ABCA12: variants seen among roughly 807,000 people sequenced by gnomAD.
ABCA12 encodes the protein ATP binding cassette subfamily A member 12, also known as glucosylceramide transporter ABCA12.
A neutral mutation model predicts 293.5 loss-of-function variants in ABCA12; 156 were observed. The observed-to-expected ratio is 0.53, with a 90% CI of 0.47 to 0.61. The LOEUF (loss-of-function observed/expected upper bound fraction) is 0.61. Among genes scored for constraint, ABCA12 ranks in the 20% least tolerant of loss-of-function variants. The pLI is 0.00. For synonymous variants in ABCA12, 1,063 were observed against 1,108.0 expected (o/e 0.96, Z 0.81); for missense variants, 2,797 against 3,090.2 (o/e 0.91, Z 2.25).
intron 3 of ABCA12, among the ~76,000 whole-genome samples, chr2:215,062,648 G>A (rs531752533): frequency 1.4e-4 from 22 of 151,832 alleles, no homozygotes; most frequent in Admixed American, 4.0e-4. Context: ...CTAAATGGTT[G>A]GGTTTGTCCC....
At chr2:215,048,828 A>G (rs1392339020) in intron 6 of ABCA12, among the ~76,000 whole-genome samples, 1 of 152,236 alleles carries the variant, frequency 6.6e-6, no homozygotes, top group African/African-American at 2.4e-5. Context: ...CAGCCATAAC[A>G]AAGAATGAGA....
chr2:215,108,760 T>C (rs1216582983), intron 2 of ABCA12, among the ~76,000 whole-genome samples: 1 of 152,186 alleles, frequency 6.6e-6, no homozygotes, highest in African/African-American at 2.4e-5. Flanking sequence ...CTCAAAGTTA[T>C]TCTTTCTACG....
At chr2:214,987,878 T>G in intron 26 of ABCA12, 85 bp from the exon 27 acceptor site, 4 of 1,518,268 alleles carry the variant, frequency 2.6e-6, no homozygotes, top group Non-Finnish European at 2.7e-6. Context: ...ATCCTATGTA[T>G]GGTTTAGGAA....
intron 7 of ABCA12, among the ~76,000 whole-genome samples, chr2:215,042,684 A>T (rs141417212): frequency 6.6e-6 from 1 of 152,282 alleles, no homozygotes; most frequent in African/African-American, 2.4e-5. Flanking sequence ...TCAAACGTTT[A>T]TTATTTGTTT....
rs1286743026 is a variant in ABCA12 at position 215,134,614 on chromosome 2, T to TAGAG, written c.69+3525_69+3526insCTCT. Among the ~76,000 whole-genome samples the TAGAG allele has an allele frequency of 7.1e-4, 61 of 86,286 alleles. 5 individuals carry two copies. The highest frequency in any genetic ancestry group is 5.3e-3 in the African/African-American group (58 of 10,944). The allele number at this position is 86,286 out of a possible 152,430, so 56.6% of individuals were successfully genotyped here. Reference sequence around the variant, plus strand: ...CTCTCTCTCTCTATATATATATATATATAGAGAGAGAGAGAGAGAGAGAGA... The same window carrying TAGAG: ...CTCTCTCTCTCTATATATATATATATAGAGATAGAGAGAGAGAGAGAGAGAGAGA... On this transcript the variant is annotated intron_variant, in intron 1 of 52. Transcript: ENST00000272895.
chr2:214,987,155 T>G (rs1449043731), intron 27 of ABCA12, among the ~76,000 whole-genome samples: 2 of 151,998 alleles, frequency 1.3e-5, no homozygotes, highest in Non-Finnish European at 2.9e-5. Flanking sequence ...CATTAATAAC[T>G]ATCTACACCT....
chr2:215,056,567 T>G (rs977841613), intron 3 of ABCA12, among the ~76,000 whole-genome samples: 1 of 152,010 alleles, frequency 6.6e-6, no homozygotes, highest in Non-Finnish European at 1.5e-5. Context: ...GCTTTCCTCT[T>G]CCCCTTCCTG....
intron 52 of ABCA12, among the ~76,000 whole-genome samples, chr2:214,933,603 A>G (rs557914574): frequency 7.4e-6 from 1 of 135,736 alleles, no homozygotes; most frequent in Admixed American, 7.5e-5. Context: ...AAATGTAATT[A>G]AGACAGATGA....
intron 34 of ABCA12, among the ~76,000 whole-genome samples, 192 bp downstream of exon 34, chr2:214,975,591 ACT>A (rs1456787647): frequency 1.3e-5 from 2 of 152,160 alleles, no homozygotes; most frequent in East Asian, 1.9e-4. Flanking sequence ...GAATGCAAAA[ACT>A]CTGAAAAAAA....
chr2:215,020,586 A>G (rs1467716968), intron 11 of ABCA12: 2 of 152,288 alleles, frequency 1.3e-5, no homozygotes, highest in Non-Finnish European at 2.9e-5. Flanking sequence ...ACAAGATGAA[A>G]TGAGTTCTGG....
At chr2:215,104,929 T>C (rs575556679) in intron 2 of ABCA12, among the ~76,000 whole-genome samples, 17 of 152,350 alleles carry the variant, frequency 1.1e-4, no homozygotes, top group Non-Finnish European at 1.9e-4. Flanking sequence ...TACCTGGATC[T>C]GAAAAATAAA....
intron 50 of ABCA12, among the ~76,000 whole-genome samples, chr2:214,941,163 G>C (rs921202705): frequency 6.6e-6 from 1 of 152,114 alleles, no homozygotes; most frequent in Non-Finnish European, 1.5e-5. Context: ...GGTATGTTGT[G>C]TCTGTGTTCT....
At chr2:214,983,924 A>G in intron 28 of ABCA12, 59 bp from the exon 29 acceptor site, 1 of 1,473,084 alleles carries the variant, frequency 6.8e-7, no homozygotes, top group Non-Finnish European at 9.4e-7. Flanking sequence ...AGATATTAGG[A>G]ATAACTATAT....
chr2:214,947,796 C>A, intron 47 of ABCA12: 2 of 514,438 alleles, frequency 3.9e-6, no homozygotes, highest in Non-Finnish European at 6.9e-6. Context: ...CCTCCCCCAC[C>A]AAACGTGTGT....
chr2:215,138,551 G>A lies in ABCA12; in HGVS notation c.-343C>T. The A allele has an allele frequency of 3.7e-6, 1 of 271,080 alleles. No individual in the cohort carries two copies. Among genetic ancestry groups the A allele is most frequent in the Non-Finnish European group, 7.1e-6 (1 of 139,982 alleles). The allele number at this position is 271,080 out of a possible 1,614,324, so 16.8% of individuals were successfully genotyped here. On this transcript the variant is annotated 5_prime_UTR_variant, in exon 1 of 53. Transcript: ENST00000272895. ...AGAGAATGAGCATCATTCAGATAATGCCTCACTGAAAAAAAAAAAAAAGCA... is the reference window on the plus strand; with the variant it reads ...AGAGAATGAGCATCATTCAGATAATACCTCACTGAAAAAAAAAAAAAAGCA...
At chr2:215,050,784 A>G in intron 5 of ABCA12, 1 of 985,266 alleles carries the variant, frequency 1.0e-6, no homozygotes, top group Non-Finnish European at 1.2e-6. Context: ...AACATTCCAC[A>G]TAAACTCACC....
intron 36 of ABCA12, among the ~76,000 whole-genome samples, chr2:214,972,121 T>C (rs147743927): frequency 9.1e-4 from 138 of 152,346 alleles, no homozygotes; most frequent in South Asian, 2.5e-3. Context: ...CAGTTCTTTA[T>C]ACACACGTTT....
intron 39 of ABCA12, 96 bp from the exon 40 acceptor site, chr2:214,959,174 T>C: frequency 9.1e-7 from 1 of 1,097,324 alleles, no homozygotes; most frequent in Admixed American, 1.7e-5. Flanking sequence ...CTCCTTATAT[T>C]ATTATCTAAA....
intron 1 of ABCA12, among the ~76,000 whole-genome samples, chr2:215,127,940 G>C (rs1300553495): frequency 6.6e-6 from 1 of 152,100 alleles, no homozygotes; most frequent in Non-Finnish European, 1.5e-5. Context: ...TGTGTTTCCA[G>C]GATTTGTTTC....
Sources: allele counts gnomAD v4.1 joint callset (sites outside exome capture counted in the v4.1 genomes callset), GRCh38; gene constraint gnomAD v4.1.1; transcripts MANE v1.5; gene names NCBI Gene and HGNC (gene_info 2026-07-23, HGNC 2026-07-21).